TNS1: variants seen among roughly 807,000 people sequenced by gnomAD.
TNS1 encodes tensin-1.
A neutral mutation model predicts 168.6 loss-of-function variants in TNS1; 62 were observed. That is an observed-to-expected ratio of 0.37 (90% confidence interval 0.30 to 0.45). The LOEUF (loss-of-function observed/expected upper bound fraction) is 0.45, where lower values mean the gene tolerates loss of function less well. TNS1 is among the 20% of genes least tolerant of loss of function. TNS1 has a pLI of 1.00. For synonymous variants in TNS1, 934 were observed against 933.2 expected, an observed-to-expected ratio of 1.00 and a Z score of -0.02; for missense variants, 2,240 against 2,339.4, an observed-to-expected ratio of 0.96 and a Z score of 0.88.
At chr2:217,912,827 C>T (rs1002949937) in intron 4 of TNS1, among the ~76,000 whole-genome samples, 1 of 152,160 alleles carries the variant, frequency 6.6e-6, no homozygotes, top group Non-Finnish European at 1.5e-5. Flanking sequence ...GCAGCGGCAG[C>T]GGCAGAAGGC....
At position 217,804,408 on chromosome 2, in the gene TNS1, C is replaced by T; in HGVS notation, c.*51G>A. On this transcript the variant is annotated 3_prime_UTR_variant, in exon 33 of 33. Coordinates refer to ENST00000682258, the MANE Select transcript of TNS1 (RefSeq NM_001387777.1). The stretch of plus-strand genomic sequence containing the variant: ...AGAGTGGTCAGGATTCATGGGTCCC[C>T]TCCCCACAAGCCCCTTCCCCATGGC... 1 of 1,607,196 alleles carries T rather than the reference C, an allele frequency of 6.2e-7. No individual in the cohort carries two copies. The highest frequency in any genetic ancestry group is 8.5e-7 in the Non-Finnish European group (1 of 1,176,126).
chr2:217,897,813 A>T lies in TNS1; in HGVS notation c.528T>A (p.His176Gln), dbSNP rs1952480713. ...CCATCCTCACCAGGTAGTTGCCTCC[A>T]TGTTTGGACTTGAGCATCTGCGCCA... ...REVAQMLKSK[H>Q]GGNYLLFNLS... Residue 176 changes from histidine to glutamine, a missense_variant, in exon 8 of 33, where the codon CAT (histidine) becomes CAA (glutamine). By Grantham distance (24) the His-to-Gln change is conservative. Coordinates refer to ENST00000682258, the MANE Select transcript of TNS1 (RefSeq NM_001387777.1). 1 of 1,604,986 alleles carries T rather than the reference A, an allele frequency of 6.2e-7. No individual in the cohort carries two copies. The highest frequency in any genetic ancestry group is 8.5e-7 in the Non-Finnish European group (1 of 1,175,502).
intron 18 of TNS1, chr2:217,850,351 G>A (rs1043218604): frequency 2.5e-5 from 25 of 985,318 alleles, no homozygotes; most frequent in South Asian, 2.3e-4. Flanking sequence ...GAGGGGAAGC[G>A]TCTTAGGGAT....
intron 3 of TNS1, among the ~76,000 whole-genome samples, chr2:217,970,358 A>G (rs1240024113): frequency 1.3e-5 from 2 of 152,224 alleles, no homozygotes; most frequent in Non-Finnish European, 2.9e-5. Context: ...AACATTAAAC[A>G]TAGAGTTACC....
At chr2:217,936,775 C>T (rs1956631034) in intron 3 of TNS1, among the ~76,000 whole-genome samples, 1 of 152,108 alleles carries the variant, frequency 6.6e-6, no homozygotes, top group Non-Finnish European at 1.5e-5. Context: ...CCCACACATG[C>T]CATTTTAAGC....
chr2:217,837,024 C>T (rs1031119456), intron 19 of TNS1, among the ~76,000 whole-genome samples: 1 of 152,120 alleles, frequency 6.6e-6, no homozygotes, highest in African/African-American at 2.4e-5. Context: ...GGCTGAGGCA[C>T]GGAATCCATT....
intron 4 of TNS1, among the ~76,000 whole-genome samples, chr2:217,916,072 C>T (rs1012421361): frequency 1.3e-5 from 2 of 152,170 alleles, no homozygotes; most frequent in Admixed American, 6.5e-5. Flanking sequence ...ATCATCACAG[C>T]ACCTCCCTCA....
chr2:217,923,505 G>T lies in TNS1; in HGVS notation c.187-3269C>A, dbSNP rs1955844636. 2.0e-5 allele frequency among the ~76,000 whole-genome samples: 3 copies of T among 152,316 alleles called. No individual in the cohort carries two copies. In the South Asian group the frequency reaches 6.2e-4, roughly 32 times the overall value. On this transcript the variant is annotated intron_variant, in intron 3 of 32. Transcript: ENST00000682258. ...GTGGATGAGAAGACTGAGGCACATA[G>T]AGGCTAATGAGTTGGCCAACAGGAG...
At position 218,033,302 on chromosome 2, in the gene TNS1, C is replaced by T. The variant is rs1444491033; in HGVS notation, c.156+518G>A. On this transcript the variant is annotated intron_variant, in intron 1 of 1. Transcript: ENST00000649572. This position sits in a 1 kb window ranked among gnomAD's most constrained non-coding sequence, Gnocchi z 4.3. Reference sequence around the variant, plus strand: ...CCTGTCCCCACTGCCAGGTCAGCTCCCCACTTGCTAGTCTCTGAGACTTAC... The same window carrying T: ...CCTGTCCCCACTGCCAGGTCAGCTCTCCACTTGCTAGTCTCTGAGACTTAC... Among the ~76,000 whole-genome samples, 1 of 152,018 alleles carries T rather than the reference C, an allele frequency of 6.6e-6. No homozygotes were observed. The highest frequency in any genetic ancestry group is 1.5e-5 in the Non-Finnish European group (1 of 67,982).
At chr2:217,969,275 CA>C (rs1411948940) in intron 3 of TNS1, among the ~76,000 whole-genome samples, 3 of 152,056 alleles carry the variant, frequency 2.0e-5, no homozygotes, top group Non-Finnish European at 4.4e-5. Context: ...TAACCACATG[CA>C]AAACAGCATT....
At chr2:217,925,871 A>T (rs1287991049) in intron 3 of TNS1, among the ~76,000 whole-genome samples, 1 of 152,166 alleles carries the variant, frequency 6.6e-6, no homozygotes, top group East Asian at 1.9e-4. Flanking sequence ...GGTACCTCCT[A>T]TAAGAGTAAT....
intron 18 of TNS1, among the ~76,000 whole-genome samples, chr2:217,865,226 T>G (rs1949166294): frequency 6.6e-6 from 1 of 152,008 alleles, no homozygotes; most frequent in Non-Finnish European, 1.5e-5. Context: ...GGTGCAGAGG[T>G]GGGTGGAGGA....
chr2:217,831,625 C>A (rs114121710), intron 21 of TNS1, 78 bp from the exon 22 acceptor site: 3 of 1,208,656 alleles, frequency 2.5e-6, no homozygotes, highest in Non-Finnish European at 2.2e-6. Flanking sequence ...CGTGAGGGCA[C>A]GCTTAGTGAG....
At position 217,901,024 on chromosome 2, in the gene TNS1, GCAGGAA is replaced by G. The variant is rs1422364491; in HGVS notation, c.322-518_322-513del. Among the ~76,000 whole-genome samples the G allele has an allele frequency of 2.0e-5, 3 of 152,284 alleles. No homozygotes were observed. In the East Asian group the frequency reaches 5.8e-4, roughly 29 times the overall value. ...AGACCAGAACAGGCAGGTGGAGCAT[GCAGGAA>G]CCAAGACGAGGCCTAAGACAGTGAG... On this transcript the variant is annotated intron_variant, in intron 6 of 32. Coordinates refer to ENST00000682258, the MANE Select transcript of TNS1 (RefSeq NM_001387777.1).
rs1446633026 is a variant in TNS1, at chr2:217,809,216, C to CATGGATGGATGG, written c.5274-557_5274-546dup. Among the ~76,000 whole-genome samples the CATGGATGGATGG allele has an allele frequency of 1.7e-4, 5 of 29,998 alleles. 1 individual carries two copies. The South Asian group carries it at 2.6e-3, about 15-fold the overall frequency. 19.7% of individuals were successfully genotyped at this position (29,998 alleles called of 152,430 possible). A position where few individuals can be genotyped will look rare whatever the true frequency, so the allele number is the denominator to read the frequency against. On this transcript the variant is annotated intron_variant, in intron 30 of 32. Transcript: ENST00000682258. ...GGATGGATGGATGGATGGATGGATG[C>CATGGATGGATGG]ATGGATGGATGGATGGATGGATGGA...
In TNS1 at chr2:217,807,932, C is replaced by T. The variant is rs146839580; in HGVS notation, c.5375+143G>A. On this transcript the variant is annotated intron_variant, in intron 32 of 32. Transcript: ENST00000682258. ...GGCCTGGAAGCCTGGTCAAGCTTCA[C>T]TCGGAAGCTGAGTGACCTTGGCACA... is the stretch of plus-strand genomic sequence containing the variant. The T allele has an allele frequency of 7.9e-3, 7,891 of 997,478 alleles. 40 individuals are homozygous for T. The highest frequency in any genetic ancestry group is 9.9e-3 in the Non-Finnish European group (6,488 of 658,524). The allele number at this position is 997,478 out of a possible 1,614,324, so 61.8% of individuals were successfully genotyped here. A position where few individuals can be genotyped will look rare whatever the true frequency, so the allele number is the denominator to read the frequency against.
chr2:218,007,151 C>T (rs1336284637), upstream of TNS1, among the ~76,000 whole-genome samples: 1 of 152,140 alleles, frequency 6.6e-6, no homozygotes, highest in African/African-American at 2.4e-5. Flanking sequence ...TCACCAGTGT[C>T]CAGGTAAAGA....
chr2:217,840,341 A>C (rs528872070), intron 19 of TNS1, among the ~76,000 whole-genome samples: 2 of 152,304 alleles, frequency 1.3e-5, no homozygotes, highest in South Asian at 4.1e-4. Flanking sequence ...CCAGGGGTAG[A>C]TGTTAGTGGA....
chr2:217,923,580 A>G (rs901706576), intron 3 of TNS1, among the ~76,000 whole-genome samples: 22 of 152,190 alleles, frequency 1.4e-4, no homozygotes, highest in African/African-American at 4.6e-4. Flanking sequence ...CTTGTCCTCT[A>G]TGCTAGAAAC....
Sources: allele counts gnomAD v4.1 joint callset (sites outside exome capture counted in the v4.1 genomes callset), GRCh38; gene constraint gnomAD v4.1.1; non-coding constraint Gnocchi (gnomAD v3.1); transcripts MANE v1.5; gene names NCBI Gene and HGNC (gene_info 2026-07-23, HGNC 2026-07-21).